OTUD6B: variants seen among roughly 807,000 people sequenced by gnomAD.
OTUD6B encodes the protein OTU deubiquitinase 6B.
Under a neutral mutation model 36.9 loss-of-function variants are expected in OTUD6B, and 41 were observed. The observed-to-expected ratio is 1.11, with a 90% confidence interval of 0.87 to 1.44. The LOEUF (loss-of-function observed/expected upper bound fraction) is 1.44. Ranked by LOEUF, OTUD6B falls within the 40% of genes most tolerant of loss-of-function variation. OTUD6B has a pLI of 0.00. For missense variants in OTUD6B, 356 were observed against 344.8 expected (o/e 1.03, Z -0.26); for synonymous variants, 114 against 114.2 (o/e 1.00, Z 0.01).
At chr8:91,078,759 C>T in intron 4 of OTUD6B, 91 bp downstream of exon 4, 1 of 736,308 alleles carries the variant, frequency 1.4e-6, no homozygotes, top group Non-Finnish European at 2.1e-6. Flanking sequence ...TAAGAAGAAC[C>T]CAGATGATCC....
intron 4 of OTUD6B, among the ~76,000 whole-genome samples, chr8:91,080,272 A>G (rs1007276038): frequency 2.6e-5 from 4 of 152,112 alleles, no homozygotes; most frequent in Non-Finnish European, 5.9e-5. Context: ...ACCTGATTAT[A>G]CAGGAACTAC....
At chr8:91,084,733 GA>G in intron 6 of OTUD6B, 50 bp from the exon 7 acceptor site, 1 of 1,331,752 alleles carries the variant, frequency 7.5e-7, no homozygotes, top group Admixed American at 3.0e-5. Flanking sequence ...TATATATATA[GA>G]AAAATTGCTT....
At chr8:91,073,332 T>A (rs561332939) in intron 2 of OTUD6B, among the ~76,000 whole-genome samples, 12 of 152,176 alleles carry the variant, frequency 7.9e-5, no homozygotes, top group Non-Finnish European at 1.5e-4. Flanking sequence ...ATTTTCTGCC[T>A]GCAGTTATCA....
intron 2 of OTUD6B, among the ~76,000 whole-genome samples, chr8:91,072,615 A>G (rs2130426099): frequency 6.6e-6 from 1 of 152,322 alleles, no homozygotes; most frequent in South Asian, 2.1e-4. Context: ...TTAGTTATCA[A>G]GTTCCCAACT....
At chr8:91,076,451 GA>G in intron 3 of OTUD6B, 5 of 1,419,588 alleles carry the variant, frequency 3.5e-6, no homozygotes, top group East Asian at 3.2e-5. Flanking sequence ...AGCATGAAGG[GA>G]AAAAAATGAA....
At chr8:91,073,715 A>G in intron 2 of OTUD6B, 116 bp from the exon 3 acceptor site, 2 of 1,336,516 alleles carry the variant, frequency 1.5e-6, no homozygotes, top group Non-Finnish European at 2.0e-6. Flanking sequence ...AAACCATATT[A>G]TCTAATACAG....
intron 4 of OTUD6B, 200 bp downstream of exon 4, chr8:91,078,868 A>T: frequency 2.3e-6 from 1 of 428,390 alleles, no homozygotes. Flanking sequence ...TTAATTACTT[A>T]GTTATTTTGT....
chr8:91,081,453 A>G (rs1008902971), intron 5 of OTUD6B, among the ~76,000 whole-genome samples: 1 of 151,658 alleles, frequency 6.6e-6, no homozygotes, highest in Non-Finnish European at 1.5e-5. Flanking sequence ...GATAAGAAAG[A>G]AAGTTCTGGG....
intron 3 of OTUD6B, among the ~76,000 whole-genome samples, chr8:91,074,454 G>T (rs1812765328): frequency 6.6e-6 from 1 of 151,934 alleles, no homozygotes; most frequent in East Asian, 1.9e-4. Flanking sequence ...TTTAGAGAAG[G>T]GAAAGTTCAT....
intron 5 of OTUD6B, among the ~76,000 whole-genome samples, chr8:91,082,949 T>C (rs2130444877): frequency 6.6e-6 from 1 of 152,034 alleles, no homozygotes; most frequent in East Asian, 1.9e-4. Flanking sequence ...ACTCAAGGTA[T>C]CTGCCTACCT....
intron 3 of OTUD6B, among the ~76,000 whole-genome samples, chr8:91,075,263 T>A (rs1244390452): frequency 6.6e-6 from 1 of 152,104 alleles, no homozygotes; most frequent in East Asian, 1.9e-4. Flanking sequence ...CATGGAATCT[T>A]GGAGATTGTC....
chr8:91,084,651 TA>T (rs1812972067), intron 6 of OTUD6B, 132 bp from the exon 7 acceptor site: 1 of 1,035,780 alleles, frequency 9.7e-7, no homozygotes, highest in Non-Finnish European at 1.2e-6. Context: ...TATGTCCACA[TA>T]GTCTATTGAG....
At chr8:91,071,522 G>T (rs897335449) in intron 2 of OTUD6B, among the ~76,000 whole-genome samples, 1 of 152,078 alleles carries the variant, frequency 6.6e-6, no homozygotes, top group Non-Finnish European at 1.5e-5. Flanking sequence ...CTAATTTTTT[G>T]TATTTTTAGT....
chr8:91,078,086 G>T (rs1369500258), intron 3 of OTUD6B: 4 of 194,800 alleles, frequency 2.1e-5, no homozygotes, highest in Non-Finnish European at 3.7e-5. Flanking sequence ...TAGAAACTTG[G>T]CATGTAGCCT....
intron 6 of OTUD6B, 92 bp from the exon 7 acceptor site, chr8:91,084,692 A>G (rs893901582): frequency 8.4e-7 from 1 of 1,191,402 alleles, no homozygotes; most frequent in Non-Finnish European, 1.1e-6. Flanking sequence ...GTCATTCAGA[A>G]TCATTGGTTT....
At chr8:91,071,366 T>A in intron 2 of OTUD6B, 77 bp downstream of exon 2, 1 of 241,462 alleles carries the variant, frequency 4.1e-6, no homozygotes, top group Non-Finnish European at 5.7e-6. Flanking sequence ...TTAAACTGCT[T>A]TTTTTTTTTT....
intron 3 of OTUD6B, among the ~76,000 whole-genome samples, chr8:91,074,528 G>A (rs531943231): frequency 1.3e-5 from 2 of 152,000 alleles, no homozygotes; most frequent in Non-Finnish European, 2.9e-5. Flanking sequence ...CAAATAGGAG[G>A]AGCAGCATGC....
chr8:91,070,357 AGCGCGT>A lies in OTUD6B; in HGVS notation c.-26_-21del. The A allele has an allele frequency of 3.7e-6, 6 of 1,612,856 alleles. No individual in the cohort carries two copies. The highest frequency in any genetic ancestry group is 5.1e-6 in the Non-Finnish European group (6 of 1,179,436). On this transcript the variant is annotated 5_prime_UTR_variant, in exon 1 of 7. Coordinates refer to ENST00000404789, the MANE Select transcript of OTUD6B (RefSeq NM_016023.5). ...CTACTAGCCGGTGCAGGTTTCTTCTAGCGCGTGTGCTGGGGTACCTGGTCGTCATGG... is the reference window on the plus strand; with the variant it reads ...CTACTAGCCGGTGCAGGTTTCTTCTAGTGCTGGGGTACCTGGTCGTCATGG...
At chr8:91,075,618 G>A (rs1812790137) in intron 3 of OTUD6B, among the ~76,000 whole-genome samples, 1 of 151,962 alleles carries the variant, frequency 6.6e-6, no homozygotes, top group Admixed American at 6.6e-5. Context: ...AAACCATTTA[G>A]TATCTTTTAT....
Sources: allele counts gnomAD v4.1 joint callset (sites outside exome capture counted in the v4.1 genomes callset), GRCh38; gene constraint gnomAD v4.1.1; transcripts MANE v1.5; gene names NCBI Gene and HGNC (gene_info 2026-07-23, HGNC 2026-07-21).